The following B3GALT1 variants were observed in gnomAD, a reference collection of about 807,000 sequenced individuals.
B3GALT1 encodes UDP-Gal:betaGlcNAc beta 1,3-galactosyltransferase, polypeptide 1.
A neutral mutation model predicts 23.2 loss-of-function variants in B3GALT1; 10 were observed. That is an observed-to-expected ratio of 0.43 (90% CI 0.27 to 0.73). B3GALT1 has a LOEUF of 0.73. Ranked by LOEUF, B3GALT1 falls within the 30% of genes least tolerant of loss-of-function variation. The pLI is 0.21. For synonymous variants in B3GALT1, 156 were observed against 141.5 expected (o/e 1.10, Z -0.73); for missense variants, 299 against 405.4 (o/e 0.74, Z 2.25).
intron 3 of B3GALT1, among the ~76,000 whole-genome samples, chr2:167,767,185 G>A (rs1339382631): frequency 1.3e-5 from 2 of 152,196 alleles, no homozygotes; most frequent in Non-Finnish European, 2.9e-5. Context: ...AATTATGTAA[G>A]CTGAACCAAT....
chr2:167,580,594 G>C (rs1336091440), intron 2 of B3GALT1, among the ~76,000 whole-genome samples: 1 of 152,062 alleles, frequency 6.6e-6, no homozygotes, highest in Non-Finnish European at 1.5e-5. Flanking sequence ...AAGAAATGCA[G>C]ACCACTCTCT....
intron 1 of B3GALT1, among the ~76,000 whole-genome samples, chr2:167,328,960 G>A (rs373012304): frequency 3.9e-5 from 6 of 151,906 alleles, no homozygotes; most frequent in African/African-American, 2.4e-5. Context: ...CTACAGGGGC[G>A]CACCACCACG....
At chr2:167,838,516 G>T (rs1689546545) in intron 4 of B3GALT1, among the ~76,000 whole-genome samples, 1 of 152,284 alleles carries the variant, frequency 6.6e-6, no homozygotes, top group African/African-American at 2.4e-5. Flanking sequence ...AACAGGAGCT[G>T]CAATTGTGGT....
intron 3 of B3GALT1, among the ~76,000 whole-genome samples, chr2:167,652,187 C>T (rs902405378): frequency 2.6e-5 from 4 of 152,278 alleles, no homozygotes; most frequent in East Asian, 3.9e-4. Flanking sequence ...AATCTACCAA[C>T]AGCTAAGAAC....
At chr2:167,689,140 C>A (rs1574213989) in intron 3 of B3GALT1, among the ~76,000 whole-genome samples, 4 of 137,540 alleles carry the variant, frequency 2.9e-5, no homozygotes, top group African/African-American at 1.1e-4. Flanking sequence ...CCAAAAAGAC[C>A]AAAAAAAAAA....
chr2:167,416,406 G>C (rs955613953), intron 1 of B3GALT1, among the ~76,000 whole-genome samples: 14 of 152,244 alleles, frequency 9.2e-5, no homozygotes, highest in African/African-American at 3.4e-4. Flanking sequence ...TAGGCTTGCA[G>C]AAAGAAAGAG....
chr2:167,395,333 G>A (rs969167581), intron 1 of B3GALT1, among the ~76,000 whole-genome samples: 1 of 152,142 alleles, frequency 6.6e-6, no homozygotes, highest in African/African-American at 2.4e-5. Context: ...GGGTGGGCCT[G>A]ATGCAATCAC....
chr2:167,493,081 G>A (rs945567551), intron 2 of B3GALT1, among the ~76,000 whole-genome samples: 1 of 152,066 alleles, frequency 6.6e-6, no homozygotes, highest in African/African-American at 2.4e-5. Context: ...TTAGCTTTCT[G>A]GCATGAACTA....
At chr2:167,438,902 A>G (rs1698831585) in intron 1 of B3GALT1, among the ~76,000 whole-genome samples, 1 of 152,122 alleles carries the variant, frequency 6.6e-6, no homozygotes, top group Non-Finnish European at 1.5e-5. Context: ...GGAAGTGACT[A>G]TTTCCCCCTC....
chr2:167,577,132 C>CT (rs1217220998), intron 2 of B3GALT1, among the ~76,000 whole-genome samples: 4 of 151,724 alleles, frequency 2.6e-5, no homozygotes, highest in Admixed American at 2.0e-4. Flanking sequence ...AAACTGATGG[C>CT]TTTTTGGTAT....
At chr2:167,490,895 C>A (rs1451078342) in intron 2 of B3GALT1, among the ~76,000 whole-genome samples, 1 of 152,162 alleles carries the variant, frequency 6.6e-6, no homozygotes, top group Non-Finnish European at 1.5e-5. Context: ...AAAGATTGAC[C>A]AGTATTCCTG....
chr2:167,352,964 G>A (rs1210906129), intron 1 of B3GALT1, among the ~76,000 whole-genome samples: 1 of 152,160 alleles, frequency 6.6e-6, no homozygotes, highest in Non-Finnish European at 1.5e-5. Flanking sequence ...GTGATTTGAG[G>A]TGCCAAGAGA....
intron 3 of B3GALT1, among the ~76,000 whole-genome samples, chr2:167,800,295 T>A (rs757836979): frequency 2.0e-5 from 3 of 152,166 alleles, no homozygotes; most frequent in African/African-American, 7.2e-5. Flanking sequence ...AGCATCCTTG[T>A]ATGATGCCTC....
At chr2:167,817,335 A>G (rs1019122429) in intron 3 of B3GALT1, among the ~76,000 whole-genome samples, 3 of 152,338 alleles carry the variant, frequency 2.0e-5, no homozygotes, top group South Asian at 4.1e-4. Context: ...AAATGTGGGT[A>G]GTTGTTACAA....
chr2:167,668,132 G>A (rs1686241458), intron 3 of B3GALT1, among the ~76,000 whole-genome samples: 1 of 152,048 alleles, frequency 6.6e-6, no homozygotes, highest in South Asian at 2.1e-4. Context: ...TTTTGGTGTG[G>A]ATGTCCTTTC....
At chr2:167,531,044 T>A (rs917959844) in intron 2 of B3GALT1, among the ~76,000 whole-genome samples, 24 of 152,260 alleles carry the variant, frequency 1.6e-4, no homozygotes, top group African/African-American at 4.8e-4. Context: ...AGACTGTTTT[T>A]ATCCATTTAA....
intron 3 of B3GALT1, among the ~76,000 whole-genome samples, chr2:167,652,758 A>G (rs1239728492): frequency 1.3e-5 from 2 of 152,178 alleles, no homozygotes; most frequent in Non-Finnish European, 2.9e-5. Context: ...CCCATGTCTC[A>G]TTCATCTTTG....
intron 4 of B3GALT1, among the ~76,000 whole-genome samples, chr2:167,861,393 T>C (rs1173389336): frequency 6.6e-6 from 1 of 152,162 alleles, no homozygotes. Flanking sequence ...ACTAATACAG[T>C]GGATAACCTG....
intron 3 of B3GALT1, among the ~76,000 whole-genome samples, chr2:167,705,834 G>T (rs1385516473): frequency 7.2e-5 from 11 of 152,150 alleles, no homozygotes; most frequent in Admixed American, 7.2e-4. Flanking sequence ...TTACTTTTAA[G>T]TTACATATTC....
Sources: allele counts gnomAD v4.1 joint callset (sites outside exome capture counted in the v4.1 genomes callset), GRCh38; gene constraint gnomAD v4.1.1; transcripts MANE v1.5; gene names NCBI Gene and HGNC (gene_info 2026-07-23, HGNC 2026-07-21).